The following TFG variants were observed in gnomAD, a reference collection of about 807,000 sequenced individuals.
TFG encodes the protein trafficking from ER to golgi regulator, also known as protein TFG.
TFG carries 22 observed loss-of-function variants against 51.4 expected under a neutral mutation model. The observed-to-expected ratio is 0.43, with a 90% CI of 0.31 to 0.61. The LOEUF (loss-of-function observed/expected upper bound fraction) is 0.61. Ranked by LOEUF, TFG falls within the 20% of genes least tolerant of loss-of-function variation. TFG has a pLI of 0.12. For missense variants in TFG, 419 were observed against 487.7 expected (o/e 0.86, Z 1.33); for synonymous variants, 187 against 165.6 (o/e 1.13, Z -0.99).
At chr3:100,709,364 G>A (rs1401810433), upstream of TFG, 1 of 152,496 alleles carries the variant, frequency 6.6e-6, no homozygotes, top group Non-Finnish European at 1.5e-5. Flanking sequence ...AGAAAGCAGG[G>A]ACTCTTCGGC....
At chr3:100,717,336 G>A (rs999980044) in intron 2 of TFG, among the ~76,000 whole-genome samples, 5 of 152,172 alleles carry the variant, frequency 3.3e-5, no homozygotes, top group African/African-American at 1.2e-4. Context: ...AGGTCAGTAA[G>A]TGTGACACCT....
At chr3:100,745,377 T>G (rs1422580094) in intron 7 of TFG, among the ~76,000 whole-genome samples, 1 of 152,198 alleles carries the variant, frequency 6.6e-6, no homozygotes, top group Non-Finnish European at 1.5e-5. Flanking sequence ...ATTAAGCTAC[T>G]TAGATTTTAA....
intron 5 of TFG, 82 bp from the exon 6 acceptor site, chr3:100,736,494 C>T: frequency 2.0e-6 from 3 of 1,499,726 alleles, no homozygotes; most frequent in Non-Finnish European, 2.7e-6. Context: ...CTTTTAGTAT[C>T]TTTTAACCAA....
At chr3:100,709,875 G>A (rs1445669856) in intron 1 of TFG, 154 bp downstream of exon 1, 5 of 119,066 alleles carry the variant, frequency 4.2e-5, no homozygotes, top group African/African-American at 1.3e-4. Context: ...GAGGGAGGAG[G>A]GGGTGGGAGG....
chr3:100,728,935 A>G lies in TFG; in HGVS notation c.415+77A>G, dbSNP rs776784973. 4 of 1,322,714 alleles carry G rather than the reference A, an allele frequency of 3.0e-6. No homozygotes were observed. The East Asian group carries it at 1.0e-4, about 34-fold the overall frequency. The allele number at this position is 1,322,714 out of a possible 1,614,324, so 81.9% of individuals were successfully genotyped here. Reference sequence around the variant, plus strand: ...AGGTTTTAAAAAACTCTTTTTAAGTAGGAGAAGGATGGCATCCCCAATGTC... The same window carrying G: ...AGGTTTTAAAAAACTCTTTTTAAGTGGGAGAAGGATGGCATCCCCAATGTC... On this transcript the variant is annotated intron_variant, in intron 4 of 7. Transcript: ENST00000240851.
intron 7 of TFG, 67 bp downstream of exon 7, chr3:100,744,998 C>T: frequency 2.2e-6 from 2 of 905,826 alleles, no homozygotes; most frequent in African/African-American, 1.7e-5. Flanking sequence ...ACTTTAAGTT[C>T]TTAATTCCTT....
chr3:100,736,639 C>T lies in TFG; in HGVS notation c.644C>T (p.Ser215Leu), dbSNP rs1228814802. Reference protein sequence around the residue: ...GTPDSIASSSSAAHPPGVQPQ... With the variant: ...GTPDSIASSSLAAHPPGVQPQ... ...CCCGACAGCATTGCTTCCTCCTCCT[C>T]AGCAGCTCACCCACCAGGCGTTCAG... The change falls in exon 6 of 8, where the codon TCA becomes TTA. Residue 215 changes from serine to leucine, a missense_variant. Physicochemically the swap from Ser to Leu is moderately radical, Grantham distance 145. Transcript: ENST00000240851. 1.2e-6 allele frequency: 2 copies of T among 1,613,908 alleles called. No homozygotes were observed. Among genetic ancestry groups the T allele is most frequent in the Admixed American group, 3.3e-5 (2 of 59,938 alleles).
At chr3:100,742,061 C>G (rs888730275) in intron 6 of TFG, among the ~76,000 whole-genome samples, 1 of 152,180 alleles carries the variant, frequency 6.6e-6, no homozygotes, top group South Asian at 2.1e-4. Flanking sequence ...GCATTTTGCT[C>G]TCTTCATATA....
chr3:100,743,672 C>T (rs2095127496), intron 6 of TFG: 1 of 151,900 alleles, frequency 6.6e-6, no homozygotes, highest in Non-Finnish European at 1.5e-5. Flanking sequence ...TTAGTGCTAC[C>T]CAGCACTAAA....
At chr3:100,744,678 CTCT>C (rs1402987131) in intron 6 of TFG, 152 bp from the exon 7 acceptor site, 2 of 503,194 alleles carry the variant, frequency 4.0e-6, no homozygotes, top group East Asian at 3.2e-5. Context: ...ATGGTTCATT[CTCT>C]TCTTCATAGA....
chr3:100,740,246 A>G (rs930374413), intron 6 of TFG, among the ~76,000 whole-genome samples: 2 of 152,200 alleles, frequency 1.3e-5, no homozygotes, highest in African/African-American at 4.8e-5. Context: ...TTTTAGACAG[A>G]TATCCCGGAA....
intron 3 of TFG, among the ~76,000 whole-genome samples, chr3:100,728,202 A>G (rs1178325517): frequency 6.6e-6 from 1 of 152,120 alleles, no homozygotes; most frequent in Non-Finnish European, 1.5e-5. Context: ...TTTCAAGACA[A>G]AGTTATGCAA....
At chr3:100,728,970 T>A in intron 4 of TFG, 112 bp downstream of exon 4, 2 of 923,768 alleles carry the variant, frequency 2.2e-6, no homozygotes, top group Non-Finnish European at 3.2e-6. Flanking sequence ...CACTCTTGTT[T>A]CTTCCTCTGC....
chr3:100,736,568 C>G lies in TFG; in HGVS notation c.581-8C>G, dbSNP rs536761688. The G allele has an allele frequency of 6.2e-6, 10 of 1,610,734 alleles. No homozygotes were observed. In the Admixed American group the frequency reaches 8.5e-5, roughly 14 times the overall value. ...GGATACTAAACTGACTTTTTTTTGA[C>G]TATCCAGGGCCACCCAGTGCTCCTG... On this transcript the variant is annotated splice_region_variant and splice_polypyrimidine_tract_variant and intron_variant, in intron 5 of 7. Transcript: ENST00000240851.
chr3:100,711,428 G>A (rs1559702515), intron 1 of TFG, among the ~76,000 whole-genome samples: 1 of 152,104 alleles, frequency 6.6e-6, no homozygotes, highest in African/African-American at 2.4e-5. Flanking sequence ...TTGAAATTGG[G>A]CAACAAACCC....
rs750581270 is a variant in TFG at position 100,713,684 on chromosome 3, C to T, written c.-2C>T. 6.3e-6 allele frequency: 10 copies of T among 1,592,894 alleles called. No individual in the cohort carries two copies. In the South Asian group the frequency reaches 1.1e-4, roughly 18 times the overall value. On this transcript the variant is annotated 5_prime_UTR_variant, in exon 2 of 8. Coordinates refer to ENST00000240851, the MANE Select transcript of TFG (RefSeq NM_006070.6). The stretch of plus-strand genomic sequence containing the variant: ...TATATATAGAACATCCTGGAGTCCA[C>T]CATGAACGGACAGTTGGATCTAAGT...
At chr3:100,715,047 A>G (rs937656189) in intron 2 of TFG, among the ~76,000 whole-genome samples, 1 of 152,172 alleles carries the variant, frequency 6.6e-6, no homozygotes, top group Admixed American at 6.5e-5. Context: ...ACTGTTTAGC[A>G]CTGCTACCCA....
At chr3:100,730,141 A>C (rs1178625052) in intron 4 of TFG, among the ~76,000 whole-genome samples, 1 of 152,210 alleles carries the variant, frequency 6.6e-6, no homozygotes, top group Non-Finnish European at 1.5e-5. Context: ...ATTTGCATAT[A>C]ATTTCAGGGG....
At chr3:100,730,159 C>T (rs569330839) in intron 4 of TFG, among the ~76,000 whole-genome samples, 1 of 152,214 alleles carries the variant, frequency 6.6e-6, no homozygotes, top group Non-Finnish European at 1.5e-5. Flanking sequence ...GGGATTTAAC[C>T]ATCTGCAGAA....
Sources: gnomAD v4.1 joint callset for allele counts (sites outside exome capture counted in the v4.1 genomes callset) on GRCh38, gnomAD v4.1.1 for gene constraint, MANE v1.5 for transcripts, NCBI Gene and HGNC (gene_info 2026-07-23, HGNC 2026-07-21) for gene names.